The following PEX5L variants were observed in gnomAD, a reference collection of about 807,000 sequenced individuals.
PEX5L encodes the protein peroxisomal biogenesis factor 5 like, also known as PEX5-related protein.
PEX5L carries 30 observed loss-of-function variants against 84.0 expected under a neutral mutation model. That is an observed-to-expected ratio of 0.36 (90% CI 0.27 to 0.48). PEX5L has a LOEUF of 0.48. PEX5L is among the 20% of genes least tolerant of loss of function. The pLI, the probability that PEX5L is intolerant of heterozygous loss-of-function variation, is 0.99. For missense variants in PEX5L, 533 were observed against 754.6 expected, an observed-to-expected ratio of 0.71 and a Z score of 3.44; for synonymous variants, 270 against 283.1, an observed-to-expected ratio of 0.95 and a Z score of 0.46.
At chr3:179,905,114 T>C (rs1180028081) in intron 2 of PEX5L, among the ~76,000 whole-genome samples, 1 of 152,186 alleles carries the variant, frequency 6.6e-6, no homozygotes, top group Non-Finnish European at 1.5e-5. Context: ...ACACACTCTC[T>C]AAAAGCCTGG....
At chr3:179,831,089 A>AAG (rs1475531020) in intron 8 of PEX5L, among the ~76,000 whole-genome samples, 1 of 152,156 alleles carries the variant, frequency 6.6e-6, no homozygotes, top group African/African-American at 2.4e-5. Context: ...AGACTGAGGC[A>AAG]GGTGGATAAT....
At chr3:180,029,229 A>G (rs1791234580) in intron 1 of PEX5L, among the ~76,000 whole-genome samples, 1 of 151,932 alleles carries the variant, frequency 6.6e-6, no homozygotes, top group Non-Finnish European at 1.5e-5. Context: ...GGGTTTCACC[A>G]TGTTGGCCAG....
At chr3:180,031,253 A>G (rs372695149) in intron 1 of PEX5L, among the ~76,000 whole-genome samples, 1 of 152,170 alleles carries the variant, frequency 6.6e-6, no homozygotes, top group African/African-American at 2.4e-5. Flanking sequence ...ACTCTATAAT[A>G]TAGTAATATA....
Position 179,797,952 on chromosome 3 carries a change from G to T in PEX5L, c.*3876C>A, listed in dbSNP as rs185843090. The T allele has an allele frequency of 6.6e-6, 1 of 152,136 alleles. No homozygotes were observed. Among genetic ancestry groups the T allele is most frequent in the African/African-American group, 2.4e-5 (1 of 41,422 alleles). 9.4% of individuals were successfully genotyped at this position (152,136 alleles called of 1,614,324 possible). ...ACTGATTCAGGGCAAATGAGGAAGG[G>T]TCTCAGAATGATCAACTTGCTTTCT... On this transcript the variant is annotated 3_prime_UTR_variant, in exon 15 of 15. Coordinates refer to ENST00000467460, the MANE Select transcript of PEX5L (RefSeq NM_016559.3).
intron 11 of PEX5L, among the ~76,000 whole-genome samples, chr3:179,811,583 T>C (rs1211711735): frequency 6.6e-6 from 1 of 152,228 alleles, no homozygotes; most frequent in Non-Finnish European, 1.5e-5. Context: ...TGCCAGTGAA[T>C]GTCCATTGAT....
chr3:179,922,056 T>C (rs576127767), intron 2 of PEX5L, among the ~76,000 whole-genome samples: 26 of 149,856 alleles, frequency 1.7e-4, no homozygotes, highest in Middle Eastern at 3.4e-3. Flanking sequence ...CAACACATAA[T>C]GTATATTCTG....
At chr3:179,938,630 T>A (rs1222796621) in intron 2 of PEX5L, among the ~76,000 whole-genome samples, 1 of 152,162 alleles carries the variant, frequency 6.6e-6, no homozygotes, top group Non-Finnish European at 1.5e-5. Context: ...AGGAACACAA[T>A]GAAAAAGATA....
chr3:180,020,719 T>A (rs1445102639), intron 1 of PEX5L, among the ~76,000 whole-genome samples: 1 of 152,196 alleles, frequency 6.6e-6, no homozygotes, highest in Non-Finnish European at 1.5e-5. Context: ...GGAATTTGAA[T>A]GCATTACTCA....
At chr3:179,802,595 G>A (rs1719455456) in intron 14 of PEX5L, among the ~76,000 whole-genome samples, 2 of 150,886 alleles carry the variant, frequency 1.3e-5, no homozygotes, top group South Asian at 2.1e-4. Flanking sequence ...GGAATGTCAC[G>A]TGGGAGAGAA....
chr3:180,016,963 T>A (rs1361131230), intron 1 of PEX5L, among the ~76,000 whole-genome samples: 1 of 152,226 alleles, frequency 6.6e-6, no homozygotes, highest in East Asian at 1.9e-4. Flanking sequence ...TATTGCTAAC[T>A]TTTTATGTAA....
At chr3:179,851,439 A>T (rs1452290894) in intron 8 of PEX5L, among the ~76,000 whole-genome samples, 1 of 152,150 alleles carries the variant, frequency 6.6e-6, no homozygotes, top group African/African-American at 2.4e-5. Context: ...ATCTCTTCAT[A>T]CCATCTCACT....
chr3:179,983,588 T>A (rs1402110738), intron 1 of PEX5L, among the ~76,000 whole-genome samples: 1 of 151,986 alleles, frequency 6.6e-6, no homozygotes, highest in African/African-American at 2.4e-5. Context: ...CAATACTAGT[T>A]GGGAAATAAA....
intron 9 of PEX5L, among the ~76,000 whole-genome samples, chr3:179,818,590 C>A (rs919843354): frequency 2.0e-5 from 3 of 151,762 alleles, no homozygotes; most frequent in Admixed American, 6.6e-5. Flanking sequence ...AGTTCCCTAC[C>A]CCCCTCCCCT....
chr3:179,808,778 T>C (rs938357388), intron 12 of PEX5L, among the ~76,000 whole-genome samples: 1 of 152,116 alleles, frequency 6.6e-6, no homozygotes, highest in Non-Finnish European at 1.5e-5. Context: ...TTATTGCTGA[T>C]AGAAAACAAA....
At chr3:180,027,596 G>A (rs939263343) in intron 1 of PEX5L, among the ~76,000 whole-genome samples, 1 of 151,976 alleles carries the variant, frequency 6.6e-6, no homozygotes, top group African/African-American at 2.4e-5. Context: ...TATGAACAAG[G>A]ATTTCTTTTT....
At chr3:179,830,204 A>G (rs1235166085) in intron 8 of PEX5L, among the ~76,000 whole-genome samples, 1 of 151,864 alleles carries the variant, frequency 6.6e-6, no homozygotes, top group African/African-American at 2.4e-5. Flanking sequence ...AACCTGTTTC[A>G]TTTTGGCAGA....
chr3:179,935,449 C>A (rs2109702718), intron 2 of PEX5L, among the ~76,000 whole-genome samples: 1 of 152,220 alleles, frequency 6.6e-6, no homozygotes, highest in East Asian at 1.9e-4. Flanking sequence ...TATTTTCTAC[C>A]ATTAGCATCT....
At chr3:179,978,087 T>C (rs751190235) in intron 1 of PEX5L, among the ~76,000 whole-genome samples, 30 of 152,208 alleles carry the variant, frequency 2.0e-4, no homozygotes, top group Admixed American at 1.3e-3. Context: ...CATTTAGTAA[T>C]TTTTTGGATT....
At position 179,843,781 on chromosome 3, in the gene PEX5L, A is replaced by G. The variant is rs148906202; in HGVS notation, c.822+15281T>C. Among the ~76,000 whole-genome samples the G allele has an allele frequency of 2.0e-5, 3 of 152,304 alleles. No individual in the cohort carries two copies. The East Asian group carries it at 5.8e-4, about 29-fold the overall frequency. ...CCCTTATGGGAAAGGCTTTCTGGGA[A>G]GTTATAGGTACAGATAGTGCTTGGG... is the stretch of plus-strand genomic sequence containing the variant. On this transcript the variant is annotated intron_variant, in intron 8 of 14. Coordinates refer to ENST00000467460, the MANE Select transcript of PEX5L (RefSeq NM_016559.3).
Sources: gnomAD v4.1 joint callset for allele counts (sites outside exome capture counted in the v4.1 genomes callset) on GRCh38, gnomAD v4.1.1 for gene constraint, MANE v1.5 for transcripts, NCBI Gene and HGNC (gene_info 2026-07-23, HGNC 2026-07-21) for gene names.